DENND2A: variants seen among roughly 807,000 people sequenced by gnomAD.
DENND2A encodes the protein DENN domain-containing protein 2A.
Under a neutral mutation model 105.3 loss-of-function variants are expected in DENND2A, and 53 were observed. That is an observed-to-expected ratio of 0.50 (90% CI 0.40 to 0.63). DENND2A has a LOEUF of 0.63. Ranked by LOEUF, DENND2A falls within the 30% of genes least tolerant of loss-of-function variation. The probability of loss-of-function intolerance (pLI) is 0.00; values close to 1 mark genes in which losing one functional copy is unlikely to be tolerated. For missense variants in DENND2A, 1,138 were observed against 1,279.6 expected, an observed-to-expected ratio of 0.89 and a Z score of 1.69; for synonymous variants, 522 against 508.4, an observed-to-expected ratio of 1.03 and a Z score of -0.36.
chr7:140,580,308 T>G (rs893872136), intron 5 of DENND2A, among the ~76,000 whole-genome samples: 6 of 152,090 alleles, frequency 3.9e-5, no homozygotes, highest in African/African-American at 1.4e-4. Context: ...TATGCATGTA[T>G]GTATGCATGT....
At chr7:140,585,297 T>C (rs758428734) in intron 5 of DENND2A, among the ~76,000 whole-genome samples, 32 of 152,264 alleles carry the variant, frequency 2.1e-4, no homozygotes, top group Non-Finnish European at 4.3e-4. Context: ...GTATGCTCTA[T>C]GTTAAGACAT....
Position 140,527,062 on chromosome 7 carries a change from G to T in DENND2A, c.2505+256C>A, listed in dbSNP as rs1295348327. Reference sequence around the variant, plus strand: ...AAGAGTTTTGACATCTGGCTAAATTGTTCATTGCTGACCTTCTCAAGAGGT... The same window carrying T: ...AAGAGTTTTGACATCTGGCTAAATTTTTCATTGCTGACCTTCTCAAGAGGT... On this transcript the variant is annotated intron_variant, in intron 15 of 19. Coordinates refer to ENST00000496613, the MANE Select transcript of DENND2A (RefSeq NM_015689.5). The surrounding 1 kb of genome is among the most constrained non-coding windows in gnomAD (Gnocchi z 4.9). 6.6e-6 allele frequency among the ~76,000 whole-genome samples: 1 copy of T among 152,188 alleles called. No homozygotes were observed. The highest frequency in any genetic ancestry group is 1.5e-5 in the Non-Finnish European group (1 of 68,040).
rs866062684 is a variant in DENND2A, at chr7:140,558,167, C to T, written c.1935G>A (p.Arg645=). 1.2e-6 allele frequency: 2 copies of T among 1,613,702 alleles called. No individual in the cohort carries two copies. The highest frequency in any genetic ancestry group is 4.5e-5 in the East Asian group (2 of 44,870). The part of the protein sequence containing the change: ...FVLTGEDGSR[R]FGYCRRLLPG... ...CCAGCAGTCTTCGGCAGTAACCGAA[C>T]CTTCTGCTCCCATCTTCTCCAGTTA... Residue 645 remains arginine (R), a synonymous_variant, in exon 11 of 20, where the codon AGG becomes AGA. Transcript: ENST00000496613.
rs140221572 is a variant in DENND2A, at chr7:140,518,847, C to T, written c.2999-109G>A. 1.9e-4 allele frequency: 175 copies of T among 909,982 alleles called. No individual in the cohort carries two copies. The African/African-American group carries it at 2.4e-3, about 13-fold the overall frequency. 56.4% of individuals were successfully genotyped at this position (909,982 alleles called of 1,614,324 possible). Reference sequence around the variant, plus strand: ...GCGGGTAACGGGGCCCCCACGCCACCCCAGGGAGCCTCATCCCTTGCTCTG... The same window carrying T: ...GCGGGTAACGGGGCCCCCACGCCACTCCAGGGAGCCTCATCCCTTGCTCTG... On this transcript the variant is annotated intron_variant, in intron 19 of 19. Transcript: ENST00000496613.
chr7:140,631,564 T>TTAGA (rs1361725906), intron 1 of DENND2A, among the ~76,000 whole-genome samples: 2 of 152,176 alleles, frequency 1.3e-5, no homozygotes, highest in African/African-American at 2.4e-5. Flanking sequence ...TCTGACATTT[T>TTAGA]TCCACCCTAT....
chr7:140,583,456 G>A (rs1392930244), intron 5 of DENND2A, among the ~76,000 whole-genome samples: 2 of 150,226 alleles, frequency 1.3e-5, no homozygotes, highest in Non-Finnish European at 2.9e-5. Flanking sequence ...GGGCCTCAGA[G>A]GATGGGGAGA....
intron 14 of DENND2A, among the ~76,000 whole-genome samples, chr7:140,538,380 C>T (rs761486200): frequency 1.4e-4 from 22 of 152,164 alleles, no homozygotes; most frequent in South Asian, 6.2e-4. Context: ...AGCTGGAAAT[C>T]AGGAGAATAA....
intron 18 of DENND2A, among the ~76,000 whole-genome samples, chr7:140,520,304 C>T (rs1363682451): frequency 6.8e-6 from 1 of 146,246 alleles, no homozygotes. Flanking sequence ...GAAACTCCGT[C>T]GCAAAAAAAA....
intron 14 of DENND2A, among the ~76,000 whole-genome samples, chr7:140,539,112 C>T (rs1229354807): frequency 6.6e-6 from 1 of 152,256 alleles, no homozygotes; most frequent in Non-Finnish European, 1.5e-5. Context: ...GCGTGAGCAA[C>T]TGCGCTTGGC....
In DENND2A at chr7:140,527,563, AAGGCTCCTCCC is replaced by A. The variant is rs2130469475; in HGVS notation, c.2328-79_2328-69del. 2 of 1,464,474 alleles carry A rather than the reference AAGGCTCCTCCC, an allele frequency of 1.4e-6. No individual in the cohort carries two copies. Among genetic ancestry groups the A allele is most frequent in the African/African-American group, 2.8e-5 (2 of 71,924 alleles). The allele number at this position is 1,464,474 out of a possible 1,614,324, so 90.7% of individuals were successfully genotyped here. On this transcript the variant is annotated intron_variant, in intron 14 of 19. Coordinates refer to ENST00000496613, the MANE Select transcript of DENND2A (RefSeq NM_015689.5). The surrounding 1 kb of genome is among the most constrained non-coding windows in gnomAD (Gnocchi z 4.9). ...GGGCCCGAGGAAGCCTCCAGGGGAG[AAGGCTCCTCCC>A]AGAGACAGGATGACTAGGAAAGGAC...
chr7:140,573,722 T>G, intron 6 of DENND2A, 86 bp downstream of exon 6: 2 of 1,421,848 alleles, frequency 1.4e-6, no homozygotes. Flanking sequence ...GCCAGTGATG[T>G]ATTCTCCACC....
At chr7:140,544,234 G>T in intron 14 of DENND2A, 1 of 308,650 alleles carries the variant, frequency 3.2e-6, no homozygotes, top group South Asian at 3.6e-5. Flanking sequence ...TCCCTCTGTT[G>T]CCCAAGCTGG....
In DENND2A at chr7:140,527,347, G is replaced by A. The variant is rs11553487; in HGVS notation, c.2476C>T (p.Pro826Ser). The change falls in exon 15 of 20, where the codon CCA becomes TCA. Residue 826 changes from proline (P) to serine (S), a missense_variant. Transcript: ENST00000496613. This position sits in a 1 kb window ranked among gnomAD's most constrained non-coding sequence, Gnocchi z 4.9. ...FLIGLLSSSLPLLRELPLEEV... is the reference protein window; with the variant it reads ...FLIGLLSSSLSLLRELPLEEV... ...TCCAGCGGCAGCTCCCTGAGCAGTG[G>A]CAGCGAGCTGGAGAGCAGCCCGATG... 28 of 1,596,368 alleles carry A rather than the reference G, an allele frequency of 1.8e-5. No homozygotes were observed. Among genetic ancestry groups the A allele is most frequent in the Middle Eastern group, 1.7e-4 (1 of 5,846 alleles).
intron 7 of DENND2A, 116 bp from the exon 8 acceptor site, chr7:140,568,929 CT>C: frequency 9.6e-7 from 1 of 1,039,868 alleles, no homozygotes; most frequent in Admixed American, 2.2e-5. Flanking sequence ...GTTGAGTTGC[CT>C]CTTTTTTTTT....
chr7:140,607,461 C>T (rs1799734371), intron 1 of DENND2A, among the ~76,000 whole-genome samples: 1 of 152,152 alleles, frequency 6.6e-6, no homozygotes, highest in African/African-American at 2.4e-5. Context: ...GGAGCTCTGG[C>T]CTGTCCATGG....
At chr7:140,611,018 C>G (rs73500495) in intron 1 of DENND2A, among the ~76,000 whole-genome samples, 7,101 of 152,246 alleles carry the variant, frequency 0.047, 521 homozygotes, top group African/African-American at 0.16. Flanking sequence ...CCTCTCGGAC[C>G]GCTGCTTCTG....
intron 14 of DENND2A, among the ~76,000 whole-genome samples, chr7:140,532,811 T>G (rs870217): frequency 0.51 from 76,855 of 151,484 alleles, 20,653 homozygotes; most frequent in African/African-American, 0.7. Context: ...GATCTCTTGA[T>G]CTCTGGAGTT....
chr7:140,606,188 G>A (rs1464618800), intron 1 of DENND2A, among the ~76,000 whole-genome samples: 2 of 149,874 alleles, frequency 1.3e-5, no homozygotes, highest in Non-Finnish European at 2.9e-5. Context: ...TTACAGGTGT[G>A]CACCACCACC....
intron 14 of DENND2A, among the ~76,000 whole-genome samples, chr7:140,531,306 C>A (rs1225990538): frequency 6.6e-6 from 1 of 152,134 alleles, no homozygotes; most frequent in Non-Finnish European, 1.5e-5. Context: ...GTTGTAAAGT[C>A]AGGACTTAGA....
Sources: allele counts gnomAD v4.1 joint callset (sites outside exome capture counted in the v4.1 genomes callset), GRCh38; gene constraint gnomAD v4.1.1; non-coding constraint Gnocchi (gnomAD v3.1); transcripts MANE v1.5; gene names NCBI Gene and HGNC (gene_info 2026-07-23, HGNC 2026-07-21).